Variants in DUSP13B observed in about 807,000 individuals in gnomAD.
DUSP13B encodes the protein dual specificity phosphatase 13B, also known as dual specificity protein phosphatase 13B.
the DUSP13B span, chr10:75,105,990 CACTCAGCCTT>C: frequency 1.5e-4 from 136 of 887,190 alleles, no homozygotes; most frequent in African/African-American, 2.1e-3. Flanking sequence ...CTGAGCAAGT[CACTCAGCCTT>C]TATGGACCTC....
At chr10:75,096,497 A>T in the DUSP13B span, among the ~76,000 whole-genome samples, 1 of 149,010 alleles carries the variant, frequency 6.7e-6, no homozygotes, top group Non-Finnish European at 1.5e-5. Flanking sequence ...GAATCACCTG[A>T]GCCTGGGAGG....
the DUSP13B span, chr10:75,099,166 C>T: frequency 8.9e-6 from 11 of 1,231,610 alleles, no homozygotes; most frequent in Admixed American, 1.3e-4. Flanking sequence ...GGCCTGGTGC[C>T]GTGTTGGAGA....
the DUSP13B span, chr10:75,097,955 C>T: frequency 1.4e-6 from 2 of 1,429,812 alleles, no homozygotes; most frequent in South Asian, 1.4e-5. Context: ...GATGGGGAAG[C>T]CCATGGTGCA....
chr10:75,105,873 G>A, the DUSP13B span: 1 of 1,545,902 alleles, frequency 6.5e-7, no homozygotes, highest in Non-Finnish European at 8.7e-7. Context: ...CCTTGGCTGA[G>A]GAAGACATCC....
At chr10:75,105,887 T>C in the DUSP13B span, 1 of 1,544,002 alleles carries the variant, frequency 6.5e-7, no homozygotes, top group Non-Finnish European at 8.8e-7. Context: ...GACATCCTGG[T>C]GAAAAACCCT....
At chr10:75,106,109 T>C in the DUSP13B span, among the ~76,000 whole-genome samples, 1 of 150,318 alleles carries the variant, frequency 6.7e-6, no homozygotes, top group African/African-American at 2.4e-5. Flanking sequence ...TTCTTTTTTT[T>C]TTTTTTTTTT....
At chr10:75,108,865 G>C in the DUSP13B span, 7 of 1,092,160 alleles carry the variant, frequency 6.4e-6, no homozygotes, top group South Asian at 3.7e-5. Flanking sequence ...CAGCACCCCC[G>C]GGGGTCCTGG....
chr10:75,105,771 C>T, the DUSP13B span: 371 of 1,551,942 alleles, frequency 2.4e-4, 3 homozygotes, highest in South Asian at 3.8e-3. Flanking sequence ...CGGTGATCAC[C>T]GCCTGGCGCA....
the DUSP13B span, chr10:75,099,539 G>T: frequency 4.9e-6 from 6 of 1,231,648 alleles, no homozygotes; most frequent in Non-Finnish European, 6.1e-6. Context: ...CTGTGAAGCG[G>T]CTAGAATTCC....
chr10:75,103,310 G>T, the DUSP13B span, among the ~76,000 whole-genome samples: 7 of 152,238 alleles, frequency 4.6e-5, no homozygotes, highest in Non-Finnish European at 7.3e-5. Flanking sequence ...TAAAGACCTA[G>T]AAGACTCAGG....
At chr10:75,100,769 CT>C in the DUSP13B span, among the ~76,000 whole-genome samples, 1 of 152,326 alleles carries the variant, frequency 6.6e-6, no homozygotes, top group East Asian at 1.9e-4. Flanking sequence ...AGTCCATGCA[CT>C]TCTTTTCTGT....
the DUSP13B span, among the ~76,000 whole-genome samples, chr10:75,095,344 T>A: frequency 1.3e-5 from 2 of 152,150 alleles, no homozygotes; most frequent in African/African-American, 4.8e-5. Flanking sequence ...TATGGAGGGA[T>A]GTGGTGATGC....
chr10:75,098,004 A>G, the DUSP13B span: 1 of 885,822 alleles, frequency 1.1e-6, no homozygotes, highest in Non-Finnish European at 1.6e-6. Flanking sequence ...GAAGGGCTTC[A>G]TCTATTTCAC....
At chr10:75,098,020 G>C in the DUSP13B span, 2 of 747,864 alleles carry the variant, frequency 2.7e-6, no homozygotes, top group South Asian at 4.4e-5. Flanking sequence ...TTCACATGAG[G>C]TATTAACAAG....
chr10:75,096,691 T>C, the DUSP13B span, among the ~76,000 whole-genome samples: 1 of 152,198 alleles, frequency 6.6e-6, no homozygotes, highest in East Asian at 1.9e-4. Context: ...GAGGTTGCAG[T>C]GAATGATGAT....
At chr10:75,099,630 C>T in the DUSP13B span, 2 of 1,005,024 alleles carry the variant, frequency 2.0e-6, no homozygotes, top group Non-Finnish European at 2.6e-6. Context: ...CCCTCCGGTC[C>T]CTCTAAACCC....
the DUSP13B span, chr10:75,105,759 C>T: frequency 3.5e-5 from 55 of 1,552,764 alleles, no homozygotes; most frequent in African/African-American, 3.6e-4. Flanking sequence ...GGTGCTGCCT[C>T]ACGGTGATCA....
chr10:75,096,116 A>G, the DUSP13B span, among the ~76,000 whole-genome samples: 1 of 152,034 alleles, frequency 6.6e-6, no homozygotes, highest in Admixed American at 6.6e-5. Flanking sequence ...TTAGCCAGGC[A>G]TGGTGGTGGG....
At chr10:75,094,601 C>T in the DUSP13B span, 1 of 1,528,604 alleles carries the variant, frequency 6.5e-7, no homozygotes, top group African/African-American at 1.4e-5. Context: ...TCACTAGAAA[C>T]AGCAGAGCCT....
Sources: allele counts gnomAD v4.1 joint callset (sites outside exome capture counted in the v4.1 genomes callset), GRCh38; gene constraint gnomAD v4.1.1; transcripts MANE v1.5; gene names NCBI Gene and HGNC (gene_info 2026-07-23, HGNC 2026-07-21).